The following RNF111 variants were observed in gnomAD, a reference collection of about 807,000 sequenced individuals.
The protein encoded by RNF111 is E3 ubiquitin-protein ligase Arkadia.
Under a neutral mutation model 95.1 loss-of-function variants are expected in RNF111, and 17 were observed. That is an observed-to-expected ratio of 0.18 (90% CI 0.12 to 0.27). The LOEUF is 0.27. RNF111 is among the 10% of genes least tolerant of loss of function. The pLI is 1.00. For missense variants in RNF111, 1,189 were observed against 1,210.4 expected, an observed-to-expected ratio of 0.98 and a Z score of 0.26; for synonymous variants, 440 against 414.8, an observed-to-expected ratio of 1.06 and a Z score of -0.74.
chr15:59,018,365 G>T (rs1596094028), intron 1 of RNF111, among the ~76,000 whole-genome samples: 2 of 152,154 alleles, frequency 1.3e-5, no homozygotes, highest in Non-Finnish European at 2.9e-5. Flanking sequence ...GGTCACTTAA[G>T]AAATTTTATG....
intron 1 of RNF111, among the ~76,000 whole-genome samples, chr15:58,997,941 G>A (rs572878338): frequency 1.1e-4 from 16 of 150,714 alleles, no homozygotes; most frequent in African/African-American, 3.7e-4. Flanking sequence ...GTCTCACTCC[G>A]TTGCCCAGGC....
intron 7 of RNF111, among the ~76,000 whole-genome samples, chr15:59,078,005 A>G (rs2078616451): frequency 6.6e-6 from 1 of 152,154 alleles, no homozygotes; most frequent in African/African-American, 2.4e-5. Context: ...ACCTTTTTTC[A>G]TCCAGAATGA....
intron 2 of RNF111, among the ~76,000 whole-genome samples, chr15:59,033,889 C>T (rs1334408852): frequency 1.3e-5 from 2 of 151,994 alleles, no homozygotes; most frequent in Non-Finnish European, 2.9e-5. Context: ...AAACCAAGTA[C>T]ATTCAATGTT....
chr15:59,073,375 C>T (rs1203555470), intron 6 of RNF111, among the ~76,000 whole-genome samples: 5 of 151,196 alleles, frequency 3.3e-5, no homozygotes, highest in Admixed American at 2.0e-4. Flanking sequence ...CAGCTGCTCG[C>T]GAGGCTGAGG....
In RNF111 at chr15:59,031,278, T is replaced by C. The variant is rs2040891221; in HGVS notation, c.456T>C (p.Thr152=). The C allele has an allele frequency of 1.2e-6, 2 of 1,614,152 alleles. No homozygotes were observed. The highest frequency in any genetic ancestry group is 1.3e-5 in the African/African-American group (1 of 75,050). ...SSSLHFGDSD[T]VTSDEDKEVS... is the part of the protein sequence containing the mutation. ...GTCTGCATTTTGGAGATTCTGATAC[T>C]GTGACTTCAGATGAGGATAAAGAAG... is the stretch of plus-strand genomic sequence containing the variant. The change falls in exon 2 of 14, where the codon ACT becomes ACC. Residue 152 remains threonine, a synonymous_variant. Coordinates refer to ENST00000348370, the MANE Select transcript of RNF111 (RefSeq NM_017610.8).
chr15:59,087,221 A>T (rs1433742704), intron 10 of RNF111, among the ~76,000 whole-genome samples: 1 of 152,224 alleles, frequency 6.6e-6, no homozygotes, highest in Non-Finnish European at 1.5e-5. Flanking sequence ...TTTCAGGAAA[A>T]ATGTGCAGAG....
intron 11 of RNF111, among the ~76,000 whole-genome samples, chr15:59,090,525 C>T (rs1310925823): frequency 2.0e-5 from 3 of 152,190 alleles, no homozygotes; most frequent in East Asian, 3.9e-4. Flanking sequence ...CCACCGCACC[C>T]GGCCCCCGTT....
chr15:59,082,793 CT>C (rs1566941302), intron 8 of RNF111, among the ~76,000 whole-genome samples: 1 of 152,146 alleles, frequency 6.6e-6, no homozygotes, highest in Non-Finnish European at 1.5e-5. Flanking sequence ...TCTTGTGTAA[CT>C]TTTTGTTTTA....
At chr15:58,990,125 C>T (rs2038745346) in intron 1 of RNF111, among the ~76,000 whole-genome samples, 1 of 152,124 alleles carries the variant, frequency 6.6e-6, no homozygotes, top group Non-Finnish European at 1.5e-5. Flanking sequence ...TCTATCTTTG[C>T]TTGCTATACA....
Position 59,084,696 on chromosome 15 carries a change from G to A in RNF111, c.2423+442G>A, listed in dbSNP as rs185296324. On this transcript the variant is annotated intron_variant, in intron 9 of 13. Transcript: ENST00000348370. ...TTCACTGTAGTCACCATGCTGTGCA[G>A]TAGAATATCAGAACTTACTCCTCCC... Among the ~76,000 whole-genome samples the A allele has an allele frequency of 3.3e-5, 5 of 152,200 alleles. No individual in the cohort carries two copies. The East Asian group carries it at 9.7e-4, about 29-fold the overall frequency.
chr15:58,997,944 G>A (rs540405307), intron 1 of RNF111, among the ~76,000 whole-genome samples: 53 of 151,064 alleles, frequency 3.5e-4, no homozygotes, highest in African/African-American at 1.3e-3. Context: ...TCACTCCGTT[G>A]CCCAGGCTGG....
At chr15:59,089,310 T>G (rs1326433902) in intron 10 of RNF111, among the ~76,000 whole-genome samples, 2 of 152,190 alleles carry the variant, frequency 1.3e-5, no homozygotes, top group Admixed American at 1.3e-4. Flanking sequence ...TTAACAGAAG[T>G]GAAGTAAAAA....
rs1424594694 is a variant in RNF111, at chr15:59,076,046, T to G, written c.1779T>G (p.Pro593=). ...HGASAFDPCC[P]VSSSRAAIFG... ...CATCTGCATTTGACCCCTGCTGCCCTGTTTCTTCCTCCCGAGCTGCAATCT... is the reference window on the plus strand; with the variant it reads ...CATCTGCATTTGACCCCTGCTGCCCGGTTTCTTCCTCCCGAGCTGCAATCT... Residue 593 remains proline (P), a synonymous_variant, in exon 7 of 14, where the codon CCT becomes CCG. Coordinates refer to ENST00000348370, the MANE Select transcript of RNF111 (RefSeq NM_017610.8). 2.5e-6 allele frequency: 4 copies of G among 1,614,250 alleles called. No homozygotes were observed. Among genetic ancestry groups the G allele is most frequent in the Non-Finnish European group, 3.4e-6 (4 of 1,180,052 alleles).
chr15:59,021,353 GT>G (rs1567217533), intron 1 of RNF111, among the ~76,000 whole-genome samples: 1 of 152,092 alleles, frequency 6.6e-6, no homozygotes, highest in African/African-American at 2.4e-5. Flanking sequence ...GTTTTGTTAT[GT>G]TGGCCAGGCT....
chr15:58,988,914 A>T (rs547456409), intron 1 of RNF111, among the ~76,000 whole-genome samples: 12 of 152,306 alleles, frequency 7.9e-5, no homozygotes, highest in African/African-American at 2.4e-4. Context: ...GATTTCCTGT[A>T]GCTTTTGAAT....
chr15:59,002,043 A>G (rs955888181), intron 1 of RNF111, among the ~76,000 whole-genome samples: 2 of 152,242 alleles, frequency 1.3e-5, no homozygotes, highest in Non-Finnish European at 2.9e-5. Flanking sequence ...AATGAGGTTA[A>G]TGACATGGGC....
At chr15:59,059,559 G>C (rs2042346394) in intron 5 of RNF111, among the ~76,000 whole-genome samples, 1 of 152,160 alleles carries the variant, frequency 6.6e-6, no homozygotes, top group Non-Finnish European at 1.5e-5. Flanking sequence ...AAATTTTGGT[G>C]ATATCCATTT....
chr15:59,076,123 A>T lies in RNF111; in HGVS notation c.1856A>T (p.Asp619Val), dbSNP rs1427561500. ...AAPSQPLSSI[D>V]GYGSSMVAQP... ...CCAAGTCAACCTTTATCATCAATAG[A>T]TGGCTATGGATCAAGCATGGTTGCG... Residue 619 changes from aspartate (D) to valine (V), a missense_variant, in exon 7 of 14, where the codon GAT becomes GTT. Asp to Val is a radical substitution (Grantham distance 152). Around this residue, in one of 2 missense-constraint regions of RNF111, gnomAD observed 1,024 missense variants for 925.9 expected, o/e 1.11. Coordinates refer to ENST00000348370, the MANE Select transcript of RNF111 (RefSeq NM_017610.8). The T allele has an allele frequency of 3.1e-6, 5 of 1,614,028 alleles. No individual in the cohort carries two copies. The highest frequency in any genetic ancestry group is 4.2e-6 in the Non-Finnish European group (5 of 1,180,040).
chr15:59,052,508 C>A, intron 3 of RNF111, 77 bp downstream of exon 3: 1 of 1,058,382 alleles, frequency 9.4e-7, no homozygotes, highest in Non-Finnish European at 1.3e-6. Flanking sequence ...CAGATATTTG[C>A]ATTCTTTTTA....
Sources: gnomAD v4.1 joint callset for allele counts (sites outside exome capture counted in the v4.1 genomes callset) on GRCh38, gnomAD v4.1.1 for gene constraint, gnomAD v4.1.1 regional missense constraint, MANE v1.5 for transcripts, NCBI Gene and HGNC (gene_info 2026-07-23, HGNC 2026-07-21) for gene names.